FCHO2: variants seen among roughly 807,000 people sequenced by gnomAD.
FCHO2 encodes the protein F-BAR domain only protein 2.
Under a neutral mutation model 114.1 loss-of-function variants are expected in FCHO2, and 43 were observed. The ratio of observed to expected loss-of-function variants is 0.38; its 90% confidence interval spans 0.30 to 0.49. FCHO2 has a LOEUF of 0.49. FCHO2 is among the 20% of genes least tolerant of loss of function. The pLI is 0.97. For synonymous variants in FCHO2, 293 were observed against 315.2 expected (o/e 0.93, Z 0.75); for missense variants, 807 against 950.4 (o/e 0.85, Z 1.98).
chr5:72,973,563 T>C (rs1300752323), intron 2 of FCHO2, among the ~76,000 whole-genome samples: 1 of 151,876 alleles, frequency 6.6e-6, no homozygotes, highest in Non-Finnish European at 1.5e-5. Context: ...CTTTATCATT[T>C]TTTATTGCGT....
intron 5 of FCHO2, among the ~76,000 whole-genome samples, chr5:73,000,094 C>T (rs1233274640): frequency 1.3e-5 from 2 of 152,182 alleles, no homozygotes; most frequent in African/African-American, 4.8e-5. Context: ...TAACCTTGAA[C>T]TCCCAGACTT....
intron 8 of FCHO2, among the ~76,000 whole-genome samples, chr5:73,031,392 TTGAGGGCAGTTTTTAACTAA>T (rs1292235366): frequency 6.6e-6 from 1 of 152,190 alleles, no homozygotes; most frequent in Admixed American, 6.5e-5. Flanking sequence ...TATTTGAGTT[TTGAGGGCAGTTTTTAACTAA>T]TGTTAAAAAC....
At chr5:72,963,382 A>G (rs1390051696) in intron 1 of FCHO2, among the ~76,000 whole-genome samples, 1 of 152,194 alleles carries the variant, frequency 6.6e-6, no homozygotes, top group African/African-American at 2.4e-5. Context: ...CAAATTGCCT[A>G]TAGCCTCTCC....
At chr5:73,064,944 A>C (rs769008929) in intron 18 of FCHO2, among the ~76,000 whole-genome samples, 3 of 151,942 alleles carry the variant, frequency 2.0e-5, no homozygotes, top group Non-Finnish European at 4.4e-5. Flanking sequence ...TATTTTTGTT[A>C]GTTCATATAT....
chr5:72,963,048 G>T (rs966591701), intron 1 of FCHO2, among the ~76,000 whole-genome samples: 2 of 152,162 alleles, frequency 1.3e-5, no homozygotes, highest in African/African-American at 4.8e-5. Flanking sequence ...TGTGCAAGAG[G>T]ATGTTGCTGG....
chr5:72,994,495 G>A (rs565677200), intron 5 of FCHO2, among the ~76,000 whole-genome samples: 1 of 152,320 alleles, frequency 6.6e-6, no homozygotes, highest in South Asian at 2.1e-4. Context: ...TGCTGGCAAG[G>A]TTGTGGAGAA....
chr5:73,082,464 CAT>C (rs568818488), intron 23 of FCHO2, among the ~76,000 whole-genome samples: 135 of 152,224 alleles, frequency 8.9e-4, no homozygotes, highest in African/African-American at 2.8e-3. Context: ...CATTTAATAA[CAT>C]GTGTCTTCCT....
chr5:73,028,202 AAG>A (rs1479164913), intron 8 of FCHO2, among the ~76,000 whole-genome samples: 1 of 152,178 alleles, frequency 6.6e-6, no homozygotes, highest in Non-Finnish European at 1.5e-5. Flanking sequence ...ATCTGGGAAA[AAG>A]AAAAAAAGAC....
chr5:72,970,646 A>G (rs1333085642), intron 2 of FCHO2, among the ~76,000 whole-genome samples: 1 of 151,866 alleles, frequency 6.6e-6, no homozygotes, highest in African/African-American at 2.4e-5. Context: ...CATCAAGATC[A>G]TCAATAATGC....
chr5:73,029,960 T>C (rs1756141069), intron 8 of FCHO2, among the ~76,000 whole-genome samples: 1 of 152,134 alleles, frequency 6.6e-6, no homozygotes, highest in Non-Finnish European at 1.5e-5. Flanking sequence ...ATCAGGTACA[T>C]ACAAGAATTA....
chr5:73,017,358 A>G, intron 8 of FCHO2, 50 bp downstream of exon 8: 1 of 1,192,442 alleles, frequency 8.4e-7, no homozygotes, highest in Non-Finnish European at 1.2e-6. Flanking sequence ...CCCATATAGT[A>G]ACTAACATAT....
At chr5:73,042,475 T>G (rs1756850337) in intron 11 of FCHO2, among the ~76,000 whole-genome samples, 1 of 152,216 alleles carries the variant, frequency 6.6e-6, no homozygotes, top group African/African-American at 2.4e-5. Flanking sequence ...ATAAAACATT[T>G]TTAATTCAGT....
chr5:73,058,099 C>T (rs930676346), intron 16 of FCHO2, among the ~76,000 whole-genome samples: 4 of 152,070 alleles, frequency 2.6e-5, no homozygotes, highest in Non-Finnish European at 5.9e-5. Context: ...CAGCACAGAA[C>T]TCCTGGGCTC....
intron 5 of FCHO2, among the ~76,000 whole-genome samples, chr5:73,003,426 C>T (rs1052672081): frequency 2.6e-5 from 4 of 152,148 alleles, no homozygotes; most frequent in African/African-American, 9.7e-5. Flanking sequence ...ATTCCTCCTG[C>T]CTTGGCCTCC....
chr5:73,074,862 T>C lies in FCHO2; in HGVS notation c.1691+9T>C. On this transcript the variant is annotated intron_variant, in intron 20 of 25. Transcript: ENST00000430046. ...GGAGCAGATCCCACCAAGTTAGTTT[T>C]TAAAATATATGCATGTATGTGTATG... The C allele has an allele frequency of 6.2e-7, 1 of 1,603,828 alleles. No individual in the cohort carries two copies. Among genetic ancestry groups the C allele is most frequent in the Non-Finnish European group, 8.5e-7 (1 of 1,173,712 alleles).
In FCHO2 at chr5:73,026,402, G is replaced by A. The variant is rs1022111678; in HGVS notation, c.797-8255G>A. Among the ~76,000 whole-genome samples, 5 of 151,934 alleles carry A rather than the reference G, an allele frequency of 3.3e-5. 1 individual carries two copies. The South Asian group carries it at 6.3e-4, about 19-fold the overall frequency. On this transcript the variant is annotated intron_variant, in intron 8 of 25. Coordinates refer to ENST00000430046, the MANE Select transcript of FCHO2 (RefSeq NM_138782.3). The stretch of plus-strand genomic sequence containing the variant: ...GGAGAATTGCTTGAACCTGGGAGGC[G>A]GAGGTTGCCATGAGCCGAGATTGCA...
chr5:72,992,911 A>G (rs1561430247), intron 5 of FCHO2, among the ~76,000 whole-genome samples: 1 of 151,964 alleles, frequency 6.6e-6, no homozygotes, highest in African/African-American at 2.4e-5. Context: ...TATTCTATGA[A>G]TGTCCAGCAG....
intron 6 of FCHO2, among the ~76,000 whole-genome samples, chr5:73,013,835 G>A (rs1331162120): frequency 6.6e-6 from 1 of 152,020 alleles, no homozygotes; most frequent in Admixed American, 6.6e-5. Flanking sequence ...ACAGGCATGC[G>A]CCACCATGCC....
At chr5:73,083,603 C>T (rs1172258598) in intron 24 of FCHO2, among the ~76,000 whole-genome samples, 1 of 152,178 alleles carries the variant, frequency 6.6e-6, no homozygotes, top group Non-Finnish European at 1.5e-5. Context: ...TTAAAAAGCC[C>T]CTTGCCGTCC....
Sources: allele counts gnomAD v4.1 joint callset (sites outside exome capture counted in the v4.1 genomes callset), GRCh38; gene constraint gnomAD v4.1.1; transcripts MANE v1.5; gene names NCBI Gene and HGNC (gene_info 2026-07-23, HGNC 2026-07-21).